Variants in AFF2 observed in about 807,000 individuals in gnomAD.
AFF2 encodes the protein AF4/FMR2 family member 2.
A neutral mutation model predicts 76.9 loss-of-function variants in AFF2; 14 were observed. The ratio of observed to expected loss-of-function variants is 0.18; its 90% CI spans 0.12 to 0.28. The LOEUF (loss-of-function observed/expected upper bound fraction) is 0.28. Ranked by LOEUF, AFF2 falls within the 10% of genes least tolerant of loss-of-function variation. The pLI is 1.00. For missense variants in AFF2, 868 were observed against 1,001.1 expected, an observed-to-expected ratio of 0.87 and a Z score of 1.79; for synonymous variants, 398 against 366.7, an observed-to-expected ratio of 1.09 and a Z score of -0.98.
intron 1 of AFF2, among the ~76,000 whole-genome samples, chrX:148,569,203 G>A (rs1557242147): frequency 9.0e-6 from 1 of 110,966 alleles, no homozygotes; most frequent in Non-Finnish European, 1.9e-5. Context: ...AGGAACAGAA[G>A]TAGGAATAGG....
chrX:148,737,279 T>A (rs1557265170), intron 3 of AFF2, among the ~76,000 whole-genome samples: 1 of 112,113 alleles, frequency 8.9e-6, no homozygotes, highest in African/African-American at 3.2e-5. Context: ...GTTTGTGTCA[T>A]CTATGATTTC....
At chrX:148,886,036 A>C in intron 8 of AFF2, 51 bp downstream of exon 8, 1 of 974,604 alleles carries the variant, frequency 1.0e-6, no homozygotes, top group Non-Finnish European at 1.5e-6. Context: ...AGCAGGAGGA[A>C]CTGGAATGGC....
intron 7 of AFF2, among the ~76,000 whole-genome samples, chrX:148,852,553 G>C (rs1172923487): frequency 9.0e-6 from 1 of 110,594 alleles, no homozygotes; most frequent in Non-Finnish European, 1.9e-5. Context: ...GTCATTCTAG[G>C]TTTCTCCAAA....
intron 8 of AFF2, among the ~76,000 whole-genome samples, chrX:148,894,633 G>C (rs948196415): frequency 3.6e-5 from 4 of 111,544 alleles, no homozygotes; most frequent in African/African-American, 1.3e-4. Flanking sequence ...GCTAAAGCTA[G>C]TTTATTGTTA....
intron 1 of AFF2, among the ~76,000 whole-genome samples, chrX:148,614,734 C>CCTT (rs2053773281): frequency 4.8e-5 from 2 of 41,325 alleles, no homozygotes; most frequent in East Asian, 1.5e-3. Context: ...TCTTTCTTTC[C>CCTT]TTCTTTTCTT....
At chrX:148,624,703 A>G (rs1557251762) in intron 1 of AFF2, among the ~76,000 whole-genome samples, 1 of 111,919 alleles carries the variant, frequency 8.9e-6, no homozygotes, top group African/African-American at 3.2e-5. Context: ...TATAAGAGAA[A>G]TCACTACTGC....
chrX:148,569,020 TC>T (rs1168586781), intron 1 of AFF2, among the ~76,000 whole-genome samples: 1 of 111,264 alleles, frequency 9.0e-6, no homozygotes, highest in African/African-American at 3.3e-5. Flanking sequence ...TTGAAACTGT[TC>T]TTTGGAAGCA....
chrX:148,512,431 G>GT (rs2052491781), intron 1 of AFF2, among the ~76,000 whole-genome samples: 1 of 112,075 alleles, frequency 8.9e-6, no homozygotes, highest in African/African-American at 3.2e-5. Flanking sequence ...CACGACACAC[G>GT]TCTGCCATAC....
intron 1 of AFF2, among the ~76,000 whole-genome samples, chrX:148,511,458 T>C (rs1208855404): frequency 1.8e-5 from 2 of 112,570 alleles, no homozygotes; most frequent in East Asian, 5.6e-4. Context: ...CATATATTTT[T>C]ACATTGAACA....
chrX:148,967,769 C>G (rs1226918068), intron 15 of AFF2, 77 bp downstream of exon 15: 33 of 1,015,528 alleles, frequency 3.2e-5, no homozygotes, highest in Non-Finnish European at 4.1e-5. Flanking sequence ...AGCACTTTTC[C>G]AAACAAATTT....
At chrX:148,551,048 GGGA>G (rs1557238812) in intron 1 of AFF2, among the ~76,000 whole-genome samples, 1 of 109,176 alleles carries the variant, frequency 9.2e-6, no homozygotes, top group Non-Finnish European at 1.9e-5. Flanking sequence ...AATGTCTCTT[GGGA>G]GGGGGAAAAA....
chrX:148,978,740 G>A (rs1557290571), intron 18 of AFF2, among the ~76,000 whole-genome samples: 1 of 111,497 alleles, frequency 9.0e-6, no homozygotes, highest in Admixed American at 9.5e-5. Context: ...CCTTTTTGCT[G>A]CTCTGTGAGG....
chrX:148,772,542 C>CT (rs56276357), intron 3 of AFF2, among the ~76,000 whole-genome samples: 49 of 67,711 alleles, frequency 7.2e-4, no homozygotes, highest in Non-Finnish European at 1.1e-3. Flanking sequence ...TTCTTTCTTT[C>CT]TTTTTTTTTT....
At chrX:148,967,379 T>G (rs1186396740) in intron 14 of AFF2, among the ~76,000 whole-genome samples, 1 of 112,282 alleles carries the variant, frequency 8.9e-6, no homozygotes, top group East Asian at 2.8e-4. Flanking sequence ...AGGTTTTGTT[T>G]GATCTATTTG....
chrX:148,795,132 A>G (rs2069950751), intron 3 of AFF2, among the ~76,000 whole-genome samples: 1 of 112,406 alleles, frequency 8.9e-6, no homozygotes, highest in Admixed American at 9.4e-5. Flanking sequence ...TAAATTTCCA[A>G]GGAATGATTT....
At chrX:148,793,216 G>T (rs2069922678) in intron 3 of AFF2, among the ~76,000 whole-genome samples, 1 of 88,088 alleles carries the variant, frequency 1.1e-5, no homozygotes, top group Non-Finnish European at 2.1e-5. Flanking sequence ...AGGCAAAGCT[G>T]TATTCTGACT....
intron 4 of AFF2, among the ~76,000 whole-genome samples, chrX:148,836,565 A>G (rs782817849): frequency 9.0e-6 from 1 of 110,941 alleles, no homozygotes; most frequent in Non-Finnish European, 1.9e-5. Context: ...TCCTTCCCCA[A>G]ATCCCTACTT....
At chrX:148,840,029 C>T (rs1158045571) in intron 5 of AFF2, among the ~76,000 whole-genome samples, 3 of 110,167 alleles carry the variant, frequency 2.7e-5, no homozygotes, top group African/African-American at 9.9e-5. Flanking sequence ...TGAAAATTCT[C>T]AACTTACTTA....
Position 148,967,123 on chromosome X carries a change from G to T in AFF2, c.3203+44G>T, listed in dbSNP as rs114326821. ...TCATGGACAGTTTGGAGTAGTGAAT[G>T]GGGGGTGGGGGTAGCATGGCTTTTC... On this transcript the variant is annotated intron_variant, in intron 14 of 20. Transcript: ENST00000370460. 3,347 of 1,188,737 alleles carry T rather than the reference G, an allele frequency of 2.8e-3. 71 individuals carry two copies. The African/African-American group carries it at 0.05, about 18-fold the overall frequency.
Sources: allele counts gnomAD v4.1 joint callset (sites outside exome capture counted in the v4.1 genomes callset), GRCh38; gene constraint gnomAD v4.1.1; transcripts MANE v1.5; gene names NCBI Gene and HGNC (gene_info 2026-07-23, HGNC 2026-07-21).